Variants in SNX31 observed in about 807,000 individuals in gnomAD.
The protein encoded by SNX31 is sorting nexin 31.
In SNX31, 58 loss-of-function variants were observed where a neutral mutation model predicts 65.4. That is an observed-to-expected ratio of 0.89 (90% CI 0.72 to 1.10). The LOEUF (loss-of-function observed/expected upper bound fraction) is 1.10, where lower values mean the gene tolerates loss of function less well. SNX31 is among the 50% of genes least tolerant of loss of function. The pLI, the probability that SNX31 is intolerant of heterozygous loss-of-function variation, is 0.00. For synonymous variants in SNX31, 181 were observed against 190.1 expected, an observed-to-expected ratio of 0.95 and a Z score of 0.39; for missense variants, 523 against 529.7, an observed-to-expected ratio of 0.99 and a Z score of 0.12.
rs114762268 is a variant in SNX31, at chr8:100,588,847, G to A, written c.1092+19C>T. 2.6e-4 allele frequency: 404 copies of A among 1,570,234 alleles called. 3 individuals are homozygous for A. In the African/African-American group the frequency reaches 5.0e-3, roughly 19 times the overall value. ...CATTTCAGCACAGAGGGTGTTCAAG[G>A]TCTGCCCTGAGAACTCACCTGTTTG... is the stretch of plus-strand genomic sequence containing the variant. On this transcript the variant is annotated intron_variant, in intron 11 of 13. Coordinates refer to ENST00000311812, the MANE Select transcript of SNX31 (RefSeq NM_152628.4). The surrounding 1 kb of genome is among the most constrained non-coding windows in gnomAD (Gnocchi z 4.8).
chr8:100,589,072 G>A (rs556813427), intron 10 of SNX31, 93 bp from the exon 11 acceptor site: 678 of 902,994 alleles, frequency 7.5e-4, no homozygotes, highest in Non-Finnish European at 8.5e-4. Context: ...CAGCTGAGGC[G>A]GGCAGATCGC....
In SNX31 at chr8:100,660,268, C is replaced by A. The variant is rs1022646027; in HGVS notation, c.-58+2874G>T. On this transcript the variant is annotated intron_variant, in intron 1 of 5. Transcript: ENST00000520352. This position sits in a 1 kb window ranked among gnomAD's most constrained non-coding sequence, Gnocchi z 4.1. Reference sequence around the variant, plus strand: ...TAGCAGTAGTAATAATAGTAGAATGCTGATTTTCAGATTAAAAAACTAAAG... The same window carrying A: ...TAGCAGTAGTAATAATAGTAGAATGATGATTTTCAGATTAAAAAACTAAAG... 2.6e-5 allele frequency among the ~76,000 whole-genome samples: 4 copies of A among 152,190 alleles called. No homozygotes were observed. Among genetic ancestry groups the A allele is most frequent in the Admixed American group, 2.6e-4 (4 of 15,278 alleles).
intron 11 of SNX31, among the ~76,000 whole-genome samples, chr8:100,584,736 C>A (rs1470481553): frequency 6.8e-6 from 1 of 147,096 alleles, no homozygotes; most frequent in Non-Finnish European, 1.5e-5. Flanking sequence ...TCTTATTTTT[C>A]TTTTTCTTTT....
At chr8:100,627,929 G>A (rs1818155018) in intron 4 of SNX31, among the ~76,000 whole-genome samples, 1 of 152,112 alleles carries the variant, frequency 6.6e-6, no homozygotes, top group African/African-American at 2.4e-5. Flanking sequence ...AGTGGGCAAA[G>A]GATATGAACA....
chr8:100,584,224 A>C (rs1245370969), intron 11 of SNX31, 36 bp from the exon 12 acceptor site: 1 of 1,543,424 alleles, frequency 6.5e-7, no homozygotes. Flanking sequence ...CTTGTAACCG[A>C]AGAAATCTTC....
chr8:100,598,553 G>A (rs565084205), intron 9 of SNX31, among the ~76,000 whole-genome samples: 10 of 150,148 alleles, frequency 6.7e-5, no homozygotes, highest in African/African-American at 2.3e-4. Context: ...AGTAACTTAT[G>A]TAAAATGCCT....
chr8:100,654,680 A>G (rs1397610837), intron 1 of SNX31, among the ~76,000 whole-genome samples: 1 of 152,224 alleles, frequency 6.6e-6, no homozygotes, highest in African/African-American at 2.4e-5. Context: ...CTGTGAAGGC[A>G]TCACATTCAA....
intron 8 of SNX31, among the ~76,000 whole-genome samples, chr8:100,605,595 G>C (rs188078502): frequency 6.6e-6 from 1 of 152,284 alleles, no homozygotes; most frequent in African/African-American, 2.4e-5. Context: ...AGATGTCGTG[G>C]TTCAGAAGGA....
At chr8:100,600,316 A>G (rs1454076993) in intron 9 of SNX31, 33 bp downstream of exon 9, 2 of 1,569,038 alleles carry the variant, frequency 1.3e-6, no homozygotes, top group East Asian at 4.5e-5. Context: ...ACTCCCTTTC[A>G]AGGGATTTCT....
At chr8:100,657,473 G>C (rs960710347) in intron 1 of SNX31, among the ~76,000 whole-genome samples, 1 of 149,976 alleles carries the variant, frequency 6.7e-6, no homozygotes, top group African/African-American at 2.5e-5. Flanking sequence ...AAAGAAAAAA[G>C]AAAAAAAGAA....
rs919034752 is a variant in SNX31 at position 100,614,713 on chromosome 8, T to TA, written c.433-1629dup. Among the ~76,000 whole-genome samples, 126 of 150,764 alleles carry TA rather than the reference T, an allele frequency of 8.4e-4. No individual in the cohort carries two copies. In the Middle Eastern group the frequency reaches 0.01, roughly 12 times the overall value. On this transcript the variant is annotated intron_variant, in intron 5 of 13. Coordinates refer to ENST00000311812, the MANE Select transcript of SNX31 (RefSeq NM_152628.4). The surrounding 1 kb of genome is among the most constrained non-coding windows in gnomAD (Gnocchi z 5.1). The stretch of plus-strand genomic sequence containing the variant: ...AACATAGTGAAACCCCATCTCTACT[T>TA]AAAAAAAAATACAAAAATTAGCTGG...
At position 100,573,875 on chromosome 8, in the gene SNX31, T is replaced by G; in HGVS notation, c.1313A>C (p.Glu438Ala). The G allele has an allele frequency of 6.4e-7, 1 of 1,573,054 alleles. No individual in the cohort carries two copies. Among genetic ancestry groups the G allele is most frequent in the South Asian group, 1.2e-5 (1 of 85,442 alleles). The change falls in exon 14 of 14, where the codon GAA (glutamate) becomes GCA (alanine). Residue 438 changes from glutamate (E) to alanine (A), a missense_variant. Glu to Ala is a moderately radical substitution (Grantham distance 107). Coordinates refer to ENST00000311812, the MANE Select transcript of SNX31 (RefSeq NM_152628.4). ...ATATGAGAGCTTTCTTCAGAGATCTTCTTCCTTTATGTTCCCAAAAACGCA... is the reference window on the plus strand; with the variant it reads ...ATATGAGAGCTTTCTTCAGAGATCTGCTTCCTTTATGTTCCCAAAAACGCA... ...DDCVFGNIKE[E>A]DL
rs75432800 is a variant in SNX31, at chr8:100,613,013, T to C, written c.505A>G (p.Lys169Glu). 5,321 of 1,614,010 alleles carry C rather than the reference T, an allele frequency of 3.3e-3. 135 individuals carry two copies. The African/African-American group carries it at 0.058, about 18-fold the overall frequency. ...TTCTTACCAGAGAGCTTGCCCTCCT[T>C]GCCAAACCGAATGAGAAAGAGGCCG... ...YFGLFLIRFGKEGKLSVVKKL... is the reference protein window; with the variant it reads ...YFGLFLIRFGEEGKLSVVKKL... The change falls in exon 6 of 14, where the codon AAG becomes GAG. Residue 169 changes from lysine (K) to glutamate (E), a missense_variant. Physicochemically the swap from Lys to Glu is moderately conservative, Grantham distance 56. Transcript: ENST00000311812. The surrounding 1 kb of genome is among the most constrained non-coding windows in gnomAD (Gnocchi z 5.2).
At chr8:100,624,011 G>C (rs1281240267) in intron 4 of SNX31, among the ~76,000 whole-genome samples, 2 of 151,684 alleles carry the variant, frequency 1.3e-5, no homozygotes, top group African/African-American at 4.9e-5. Context: ...GGGGGGAGGT[G>C]GGGGGATGCG....
At chr8:100,591,565 G>A (rs1356253983) in intron 10 of SNX31, among the ~76,000 whole-genome samples, 1 of 152,072 alleles carries the variant, frequency 6.6e-6, no homozygotes, top group African/African-American at 2.4e-5. Flanking sequence ...CAGGCATGGG[G>A]GCTCATGCCT....
intron 4 of SNX31, among the ~76,000 whole-genome samples, chr8:100,621,499 T>C (rs1033703613): frequency 1.5e-4 from 23 of 152,234 alleles, no homozygotes; most frequent in Non-Finnish European, 2.9e-5. Context: ...AGTCAAGTTC[T>C]GAAACCTCCA....
At chr8:100,618,394 G>A (rs935271220) in intron 4 of SNX31, 2 of 1,454,290 alleles carry the variant, frequency 1.4e-6, no homozygotes, top group African/African-American at 2.8e-5. Flanking sequence ...GACACTAATT[G>A]TGGGTGGGGG....
At chr8:100,650,959 T>C (rs1310119225), upstream of SNX31, among the ~76,000 whole-genome samples, 1 of 152,018 alleles carries the variant, frequency 6.6e-6, no homozygotes. Flanking sequence ...TTCAAGTGAT[T>C]TTCCTGCCTC....
chr8:100,632,706 A>G (rs768555209), intron 3 of SNX31, among the ~76,000 whole-genome samples: 3 of 151,934 alleles, frequency 2.0e-5, no homozygotes, highest in Non-Finnish European at 4.4e-5. Context: ...CAGGAGGTCG[A>G]GACTGCAGTG....
Sources: allele counts gnomAD v4.1 joint callset (sites outside exome capture counted in the v4.1 genomes callset), GRCh38; gene constraint gnomAD v4.1.1; non-coding constraint Gnocchi (gnomAD v3.1); transcripts MANE v1.5; gene names NCBI Gene and HGNC (gene_info 2026-07-23, HGNC 2026-07-21).